DUSP22: variants seen among roughly 807,000 people sequenced by gnomAD.
DUSP22 encodes dual specificity phosphatase 22, also known as dual specificity protein phosphatase 22.
Under a neutral mutation model 24.5 loss-of-function variants are expected in DUSP22, and 24 were observed. That is an observed-to-expected ratio of 0.98 (90% CI 0.71 to 1.38). DUSP22 has a LOEUF of 1.38. Ranked by LOEUF, DUSP22 falls within the 40% of genes most tolerant of loss-of-function variation. The pLI is 0.00. For synonymous variants in DUSP22, 160 were observed against 106.4 expected (o/e 1.50, Z -3.10); for missense variants, 330 against 269.2 (o/e 1.23, Z -1.58).
intron 3 of DUSP22, among the ~76,000 whole-genome samples, chr6:328,911 AG>A (rs1373378290): frequency 1.3e-5 from 2 of 152,312 alleles, no homozygotes; most frequent in Non-Finnish European, 2.9e-5. Context: ...AAGTTTTTCC[AG>A]GTGTAATCTT....
chr6:313,912 T>C (rs1399645749), intron 3 of DUSP22, among the ~76,000 whole-genome samples: 9 of 152,308 alleles, frequency 5.9e-5, no homozygotes, highest in Non-Finnish European at 1.2e-4. Flanking sequence ...GTCTCAGAAG[T>C]TCCAAATCTT....
At chr6:297,897 C>A (rs1216999631) in intron 1 of DUSP22, among the ~76,000 whole-genome samples, 3 of 152,308 alleles carry the variant, frequency 2.0e-5, no homozygotes, top group Non-Finnish European at 4.4e-5. Flanking sequence ...CATCCATGCA[C>A]CTGTTCACCA....
chr6:336,372 C>CTGG (rs1451743777), intron 4 of DUSP22, among the ~76,000 whole-genome samples: 4 of 152,300 alleles, frequency 2.6e-5, no homozygotes, highest in Non-Finnish European at 4.4e-5. Context: ...GCCCCAAGCA[C>CTGG]TGGTGCACGC....
chr6:350,712 T>C lies in DUSP22; in HGVS notation c.*1761T>C, dbSNP rs1581199994. 3.1e-6 allele frequency: 5 copies of C among 1,601,374 alleles called. No homozygotes were observed. The East Asian group carries it at 1.1e-4, about 36-fold the overall frequency. ...ACGTTAACAGAAAAATGATTTAGGA[T>C]ATAGCTTGAATGCTTAAATATGTGC... On this transcript the variant is annotated 3_prime_UTR_variant, in exon 7 of 7. Coordinates refer to ENST00000419235, the MANE Select transcript of DUSP22 (RefSeq NM_001286555.3).
intron 3 of DUSP22, among the ~76,000 whole-genome samples, chr6:326,576 C>T (rs1374201683): frequency 6.6e-6 from 1 of 152,210 alleles, no homozygotes; most frequent in Non-Finnish European, 1.5e-5. Context: ...GTCATCTGCC[C>T]TGGGCTTCTG....
intron 4 of DUSP22, among the ~76,000 whole-genome samples, chr6:342,449 GC>G (rs1191870998): frequency 6.6e-6 from 1 of 152,302 alleles, no homozygotes; most frequent in African/African-American, 2.4e-5. Flanking sequence ...AGCTGCCCCA[GC>G]CTGTGCACTG....
chr6:343,152 G>A (rs1561680034), intron 4 of DUSP22, among the ~76,000 whole-genome samples: 3 of 152,428 alleles, frequency 2.0e-5, no homozygotes, highest in East Asian at 3.8e-4. Context: ...CTTGCCTGCT[G>A]TGTACCAAGC....
chr6:304,753 TAA>T (rs2127393381), intron 2 of DUSP22, 92 bp downstream of exon 2: 1 of 1,557,386 alleles, frequency 6.4e-7, no homozygotes, highest in South Asian at 1.1e-5. Flanking sequence ...TCAGTGGCTT[TAA>T]GTAATTTGCA....
intron 5 of DUSP22, among the ~76,000 whole-genome samples, chr6:347,357 C>T (rs1759932771): frequency 6.6e-6 from 1 of 152,308 alleles, no homozygotes; most frequent in Non-Finnish European, 1.5e-5. Context: ...TAAAGATAGG[C>T]TTTTCTAAAA....
At chr6:292,900 C>T (rs1248177668) in intron 1 of DUSP22, among the ~76,000 whole-genome samples, 2 of 152,282 alleles carry the variant, frequency 1.3e-5, no homozygotes, top group African/African-American at 2.4e-5. Context: ...TCTTTTTTGC[C>T]CTCCTCTTCG....
chr6:321,426 G>A (rs776752610), intron 3 of DUSP22, among the ~76,000 whole-genome samples: 9 of 152,298 alleles, frequency 5.9e-5, no homozygotes, highest in Non-Finnish European at 1.2e-4. Context: ...CAAGGTTAGA[G>A]TGGAGTGAGG....
intron 1 of DUSP22, among the ~76,000 whole-genome samples, chr6:297,929 A>G (rs1757416276): frequency 6.6e-6 from 1 of 152,312 alleles, no homozygotes; most frequent in African/African-American, 2.4e-5. Flanking sequence ...AACACAGTCA[A>G]GACACTGTGT....
Position 349,108 on chromosome 6 carries a change from C to G in DUSP22, c.*157C>G. 1 of 1,449,308 alleles carries G rather than the reference C, an allele frequency of 6.9e-7. No individual in the cohort carries two copies. Among genetic ancestry groups the G allele is most frequent in the Non-Finnish European group, 9.0e-7 (1 of 1,107,698 alleles). 89.8% of individuals were successfully genotyped at this position (1,449,308 alleles called of 1,614,324 possible). ...CCCCAAGCAACACCGCCCAGCCCTGCTCCAGGCCCCTGCACTCCGCCCACC... is the reference window on the plus strand; with the variant it reads ...CCCCAAGCAACACCGCCCAGCCCTGGTCCAGGCCCCTGCACTCCGCCCACC... On this transcript the variant is annotated 3_prime_UTR_variant, in exon 7 of 7. Coordinates refer to ENST00000419235, the MANE Select transcript of DUSP22 (RefSeq NM_001286555.3).
chr6:296,629 A>G (rs1228988060), intron 1 of DUSP22, among the ~76,000 whole-genome samples: 1 of 152,302 alleles, frequency 6.6e-6, no homozygotes, highest in Non-Finnish European at 1.5e-5. Context: ...GCCTATAAAC[A>G]AAACTCCTAT....
chr6:297,239 G>A (rs1416772002), intron 1 of DUSP22, among the ~76,000 whole-genome samples: 2 of 152,306 alleles, frequency 1.3e-5, no homozygotes, highest in East Asian at 3.8e-4. Flanking sequence ...CTCCTTACTG[G>A]CTGTAAAATG....
chr6:308,341 A>G (rs2127395481), intron 2 of DUSP22, among the ~76,000 whole-genome samples: 1 of 152,420 alleles, frequency 6.6e-6, no homozygotes, highest in Non-Finnish European at 1.5e-5. Context: ...GCTGCTCATG[A>G]TTGTAGGTCG....
chr6:321,938 C>G (rs1399122180), intron 3 of DUSP22, among the ~76,000 whole-genome samples: 1 of 152,428 alleles, frequency 6.6e-6, no homozygotes, highest in Admixed American at 6.5e-5. Flanking sequence ...AGGGACCAAG[C>G]TCAGTCATGG....
At chr6:328,774 G>A (rs1006176550) in intron 3 of DUSP22, among the ~76,000 whole-genome samples, 15 of 152,418 alleles carry the variant, frequency 9.8e-5, no homozygotes, top group South Asian at 2.1e-4. Flanking sequence ...CTGCCGTGGC[G>A]GCTTTCTGCA....
At chr6:296,503 A>G (rs1286331906) in intron 1 of DUSP22, among the ~76,000 whole-genome samples, 2 of 152,300 alleles carry the variant, frequency 1.3e-5, no homozygotes, top group East Asian at 3.8e-4. Flanking sequence ...TGGTAAGATT[A>G]GGGTTAAACT....
Sources: allele counts gnomAD v4.1 joint callset (sites outside exome capture counted in the v4.1 genomes callset), GRCh38; gene constraint gnomAD v4.1.1; transcripts MANE v1.5; gene names NCBI Gene and HGNC (gene_info 2026-07-23, HGNC 2026-07-21).